RNF130: variants seen among roughly 807,000 people sequenced by gnomAD.
RNF130 encodes the protein E3 ubiquitin-protein ligase RNF130.
A neutral mutation model predicts 44.6 loss-of-function variants in RNF130; 21 were observed. That is an observed-to-expected ratio of 0.47 (90% CI 0.33 to 0.68). The LOEUF (loss-of-function observed/expected upper bound fraction) is 0.68. RNF130 is among the 30% of genes least tolerant of loss of function. The pLI is 0.02. For synonymous variants in RNF130, 214 were observed against 210.4 expected (o/e 1.02, Z -0.15); for missense variants, 479 against 560.6 (o/e 0.85, Z 1.47).
chr5:179,995,287 TG>T (rs1280871925), intron 3 of RNF130, among the ~76,000 whole-genome samples: 1 of 152,130 alleles, frequency 6.6e-6, no homozygotes, highest in Non-Finnish European at 1.5e-5. Context: ...GCCTTCAGCC[TG>T]CAAATTTGCT....
At chr5:180,004,984 G>C (rs1036146604) in intron 3 of RNF130, among the ~76,000 whole-genome samples, 3 of 151,818 alleles carry the variant, frequency 2.0e-5, no homozygotes, top group African/African-American at 7.3e-5. Context: ...GACACCATCT[G>C]CCTGTGCCCA....
intron 2 of RNF130, among the ~76,000 whole-genome samples, chr5:180,037,030 A>T (rs1291361804): frequency 1.3e-5 from 2 of 152,228 alleles, no homozygotes; most frequent in Non-Finnish European, 2.9e-5. Context: ...ATTGTATTCA[A>T]ATGATATCCA....
intron 7 of RNF130, among the ~76,000 whole-genome samples, chr5:179,920,778 T>TA (rs1387333329): frequency 2.5e-4 from 26 of 105,324 alleles, no homozygotes; most frequent in African/African-American, 9.5e-4. Flanking sequence ...GGCATATATA[T>TA]TTATATATAT....
intron 7 of RNF130, among the ~76,000 whole-genome samples, chr5:179,949,044 C>T (rs1762086829): frequency 6.7e-6 from 1 of 150,280 alleles, no homozygotes; most frequent in Admixed American, 6.7e-5. Flanking sequence ...CAGCTCACTG[C>T]AACCTCTGCC....
chr5:180,061,063 C>T (rs1262004138), intron 1 of RNF130, among the ~76,000 whole-genome samples: 7 of 99,398 alleles, frequency 7.0e-5, no homozygotes, highest in African/African-American at 2.2e-4. Context: ...AGCGAGACTC[C>T]GTCTCAAAAA....
At chr5:179,924,694 C>A (rs1761682044) in intron 7 of RNF130, among the ~76,000 whole-genome samples, 1 of 152,092 alleles carries the variant, frequency 6.6e-6, no homozygotes. Context: ...GAGGCTAAGG[C>A]AGGAGAATTG....
intron 7 of RNF130, among the ~76,000 whole-genome samples, chr5:179,943,974 A>T (rs1012742084): frequency 1.0e-3 from 151 of 146,062 alleles, no homozygotes; most frequent in African/African-American, 3.5e-3. Flanking sequence ...TTTCTGAGAA[A>T]TTTTTTTTTT....
chr5:180,013,802 T>C (rs971474561), intron 2 of RNF130, among the ~76,000 whole-genome samples: 8 of 152,214 alleles, frequency 5.3e-5, no homozygotes, highest in African/African-American at 1.9e-4. Flanking sequence ...GGAACATTCA[T>C]GGAGTACCCA....
chr5:179,946,835 T>C (rs1762050263), intron 7 of RNF130, among the ~76,000 whole-genome samples: 2 of 152,182 alleles, frequency 1.3e-5, no homozygotes, highest in South Asian at 4.1e-4. Context: ...ATTACAGACG[T>C]CAGCCACCGC....
chr5:179,929,275 A>T (rs1009847476), intron 7 of RNF130, among the ~76,000 whole-genome samples: 1 of 152,168 alleles, frequency 6.6e-6, no homozygotes, highest in African/African-American at 2.4e-5. Context: ...GTGTCTGTAC[A>T]TGCACGGCTG....
At chr5:180,035,501 T>A (rs1469805045) in intron 2 of RNF130, among the ~76,000 whole-genome samples, 3 of 152,232 alleles carry the variant, frequency 2.0e-5, no homozygotes, top group Non-Finnish European at 4.4e-5. Flanking sequence ...GTGCTACATA[T>A]GTTGGCTAGG....
intron 5 of RNF130, among the ~76,000 whole-genome samples, chr5:179,971,678 G>T (rs757588263): frequency 6.6e-6 from 1 of 152,166 alleles, no homozygotes; most frequent in African/African-American, 2.4e-5. Context: ...CAAGATAAAA[G>T]AAATTTTTAA....
chr5:180,014,176 G>C (rs1200586468), intron 2 of RNF130, among the ~76,000 whole-genome samples: 2 of 152,216 alleles, frequency 1.3e-5, no homozygotes, highest in Non-Finnish European at 2.9e-5. Flanking sequence ...TTGCCTTATA[G>C]TTACCTAGAC....
In RNF130 at chr5:180,008,750, G is replaced by A. The variant is rs552451636; in HGVS notation, c.693+4311C>T. ...AAAATACAAGTTAGCCGGACACGGT[G>A]GCATGCGCCTGTAATCGCAGCTACT... On this transcript the variant is annotated intron_variant, in intron 3 of 8. Coordinates refer to ENST00000521389, the MANE Select transcript of RNF130 (RefSeq NM_018434.6). Among the ~76,000 whole-genome samples, 3 of 152,184 alleles carry A rather than the reference G, an allele frequency of 2.0e-5. No homozygotes were observed. The South Asian group carries it at 6.2e-4, about 32-fold the overall frequency.
At chr5:179,926,529 A>G (rs571949213) in intron 7 of RNF130, among the ~76,000 whole-genome samples, 2 of 131,682 alleles carry the variant, frequency 1.5e-5, no homozygotes, top group South Asian at 5.1e-4. Flanking sequence ...CATGCCTGTA[A>G]TCCCAGTTAC....
intron 7 of RNF130, among the ~76,000 whole-genome samples, chr5:179,928,712 C>T (rs530299500): frequency 9.9e-5 from 15 of 151,866 alleles, no homozygotes; most frequent in East Asian, 7.8e-4. Context: ...CACTGCAAGC[C>T]CCGCCTCCTG....
At chr5:180,045,992 C>T (rs541789986) in intron 1 of RNF130, among the ~76,000 whole-genome samples, 6 of 152,192 alleles carry the variant, frequency 3.9e-5, no homozygotes, top group Admixed American at 2.6e-4. Context: ...GACCGAGCCC[C>T]GTGGAGCAGG....
chr5:180,060,960 G>A (rs962862394), intron 1 of RNF130, among the ~76,000 whole-genome samples: 2 of 151,574 alleles, frequency 1.3e-5, no homozygotes, highest in Admixed American at 6.6e-5. Context: ...TCCCAGCTAC[G>A]CGGGAGGCTG....
chr5:179,928,571 C>T (rs1761741131), intron 7 of RNF130, among the ~76,000 whole-genome samples: 1 of 151,344 alleles, frequency 6.6e-6, no homozygotes, highest in East Asian at 1.9e-4. Context: ...ACTGTGAGTC[C>T]TTTGTGAGTT....
Sources: allele counts gnomAD v4.1 joint callset (sites outside exome capture counted in the v4.1 genomes callset), GRCh38; gene constraint gnomAD v4.1.1; transcripts MANE v1.5; gene names NCBI Gene and HGNC (gene_info 2026-07-23, HGNC 2026-07-21).